Variants in TM9SF3 observed in about 807,000 individuals in gnomAD.
The protein encoded by TM9SF3 is SM-11044-binding protein.
TM9SF3 carries 14 observed loss-of-function variants against 78.6 expected under a neutral mutation model. The ratio of observed to expected loss-of-function variants is 0.18; its 90% CI spans 0.12 to 0.28. The LOEUF (loss-of-function observed/expected upper bound fraction) is 0.28, where lower values mean the gene tolerates loss of function less well. Ranked by LOEUF, TM9SF3 falls within the 10% of genes least tolerant of loss-of-function variation. The pLI is 1.00. For missense variants in TM9SF3, 496 were observed against 721.9 expected, an observed-to-expected ratio of 0.69 and a Z score of 3.59; for synonymous variants, 231 against 241.7, an observed-to-expected ratio of 0.96 and a Z score of 0.41.
Position 96,554,095 on chromosome 10 carries a change from T to C in TM9SF3, c.661-1036A>G, listed in dbSNP as rs546672117. ...TCCACCTTTCACCAGCCATCAGCAA[T>C]CTCCAAAGGTCCTTATCTACAATGA... On this transcript the variant is annotated intron_variant, in intron 5 of 14. Transcript: ENST00000371142. 1.8e-4 allele frequency among the ~76,000 whole-genome samples: 27 copies of C among 152,218 alleles called. 1 individual carries two copies. The highest frequency in any genetic ancestry group is 1.3e-3 in the Admixed American group (20 of 15,262).
rs1341066473 is a variant in TM9SF3, at chr10:96,571,058, C to T, written c.298+5576G>A. Among the ~76,000 whole-genome samples the T allele has an allele frequency of 2.6e-5, 4 of 152,152 alleles. No individual in the cohort carries two copies. The East Asian group carries it at 7.7e-4, about 29-fold the overall frequency. On this transcript the variant is annotated intron_variant, in intron 2 of 14. Transcript: ENST00000371142. ...CCCGGCCATGGGAAAAAGATTTTAA[C>T]AAATTTTTAGGAAATGGAAAACGGT...
intron 9 of TM9SF3, among the ~76,000 whole-genome samples, chr10:96,540,519 T>C (rs1047794155): frequency 6.6e-6 from 1 of 152,202 alleles, no homozygotes; most frequent in Admixed American, 6.5e-5. Context: ...TAGGCTTCAC[T>C]TCCCTCTTAC....
At position 96,552,912 on chromosome 10, in the gene TM9SF3, G is replaced by A. The variant is rs758825681; in HGVS notation, c.792+16C>T. ...GTTAAAATGTTTCTACAAATATAAT[G>A]TAAATGTTTACTCACCATATCATCC... On this transcript the variant is annotated intron_variant, in intron 6 of 14. Transcript: ENST00000371142. 1 of 1,510,222 alleles carries A rather than the reference G, an allele frequency of 6.6e-7. No individual in the cohort carries two copies. The highest frequency in any genetic ancestry group is 2.5e-5 in the East Asian group (1 of 40,400). 93.6% of individuals were successfully genotyped at this position (1,510,222 alleles called of 1,614,324 possible). A position where few individuals can be genotyped will look rare whatever the true frequency, so the allele number is the denominator to read the frequency against.
At position 96,533,193 on chromosome 10, in the gene TM9SF3, G is replaced by A; in HGVS notation, c.1186-3C>T. ...AAACAGATGCAACAAACGGCCACCTGTAAATTAAATAAAAATGTGTGATTA... is the reference window on the plus strand; with the variant it reads ...AAACAGATGCAACAAACGGCCACCTATAAATTAAATAAAAATGTGTGATTA... On this transcript the variant is annotated splice_region_variant and splice_polypyrimidine_tract_variant and intron_variant, in intron 9 of 14. Transcript: ENST00000371142. 1.9e-6 allele frequency: 3 copies of A among 1,612,026 alleles called. No individual in the cohort carries two copies. Among genetic ancestry groups the A allele is most frequent in the Non-Finnish European group, 2.5e-6 (3 of 1,178,906 alleles).
chr10:96,540,124 A>G (rs1240412832), intron 9 of TM9SF3, among the ~76,000 whole-genome samples: 1 of 152,140 alleles, frequency 6.6e-6, no homozygotes, highest in Non-Finnish European at 1.5e-5. Context: ...TCATATTACT[A>G]GTTCATTATT....
At position 96,565,391 on chromosome 10, in the gene TM9SF3, A is replaced by G. The variant is rs763020840; in HGVS notation, c.334T>C (p.Leu112=). Residue 112 remains leucine (L), a synonymous_variant, in exon 3 of 15, where the codon TTA becomes CTA. Transcript: ENST00000371142. ...VMPATYCEID[L]DKEKRDAFVY... Reference sequence around the variant, plus strand: ...AATGCATCTCTCTTTTCTTTATCTAAATCAATTTCACAGTAAGTGGCTGGC... The same window carrying G: ...AATGCATCTCTCTTTTCTTTATCTAGATCAATTTCACAGTAAGTGGCTGGC... The G allele has an allele frequency of 3.2e-6, 5 of 1,556,278 alleles. No individual in the cohort carries two copies. The African/African-American group carries it at 5.7e-5, about 18-fold the overall frequency.
At chr10:96,585,560 G>T (rs923478160) in intron 1 of TM9SF3, among the ~76,000 whole-genome samples, 1 of 152,228 alleles carries the variant, frequency 6.6e-6, no homozygotes, top group African/African-American at 2.4e-5. Flanking sequence ...GGCTGTGACC[G>T]AAGGTAGAAC....
intron 1 of TM9SF3, among the ~76,000 whole-genome samples, chr10:96,586,348 G>A (rs1848629392): frequency 6.6e-6 from 1 of 152,268 alleles, no homozygotes; most frequent in South Asian, 2.1e-4. Context: ...GTAGCCAGAA[G>A]GCAGTCTCCT....
At chr10:96,562,207 G>C in intron 3 of TM9SF3, 69 bp from the exon 4 acceptor site, 1 of 1,133,792 alleles carries the variant, frequency 8.8e-7, no homozygotes, top group Non-Finnish European at 1.2e-6. Flanking sequence ...CAAGCTAAAT[G>C]CTCATTAAGT....
In TM9SF3 at chr10:96,520,899, T is replaced by G. The variant is rs1442653727; in HGVS notation, c.*1364A>C. The G allele has an allele frequency of 2.5e-6, 1 of 397,194 alleles. No individual in the cohort carries two copies. Among genetic ancestry groups the G allele is most frequent in the Non-Finnish European group, 4.4e-6 (1 of 224,796 alleles). The allele number at this position is 397,194 out of a possible 1,614,324, so 24.6% of individuals were successfully genotyped here. ...TATGAGAGTAGCATAGTTTATAGCATACTTTTAAAAATGGCATTCGGTAAT... is the reference window on the plus strand; with the variant it reads ...TATGAGAGTAGCATAGTTTATAGCAGACTTTTAAAAATGGCATTCGGTAAT... On this transcript the variant is annotated 3_prime_UTR_variant, in exon 15 of 15. Coordinates refer to ENST00000371142, the MANE Select transcript of TM9SF3 (RefSeq NM_020123.4).
intron 3 of TM9SF3, among the ~76,000 whole-genome samples, chr10:96,564,128 CA>C (rs11379304): frequency 1.7e-3 from 222 of 129,194 alleles, no homozygotes; most frequent in South Asian, 3.5e-3. Context: ...ACAAACACAC[CA>C]AAAAAAAAAA....
At chr10:96,542,917 A>G (rs187399487) in intron 9 of TM9SF3, among the ~76,000 whole-genome samples, 2 of 152,356 alleles carry the variant, frequency 1.3e-5, no homozygotes, top group East Asian at 3.9e-4. Context: ...GTCACCTGGA[A>G]TTTTTGGGAA....
chr10:96,554,868 G>C (rs1324255), intron 5 of TM9SF3, among the ~76,000 whole-genome samples: 31,103 of 152,006 alleles, frequency 0.2, 3,549 homozygotes, highest in Admixed American at 0.3. Flanking sequence ...ATGTGGCTTT[G>C]AAATTTTACA....
intron 5 of TM9SF3, among the ~76,000 whole-genome samples, chr10:96,556,254 T>G (rs1246478147): frequency 6.6e-6 from 1 of 151,984 alleles, no homozygotes; most frequent in African/African-American, 2.4e-5. Flanking sequence ...AAATTTAGAA[T>G]GCAACTGGAG....
chr10:96,520,736 TC>T lies in TM9SF3; in HGVS notation c.*1526del. The T allele has an allele frequency of 5.1e-6, 2 of 392,908 alleles. No homozygotes were observed. 24.3% of individuals were successfully genotyped at this position (392,908 alleles called of 1,614,324 possible). ...CAGTACGTTAACCACTTTTACCCCATCCCCACTTTACACGGTACACCAACCT... is the reference window on the plus strand; with the variant it reads ...CAGTACGTTAACCACTTTTACCCCATCCCACTTTACACGGTACACCAACCT... On this transcript the variant is annotated 3_prime_UTR_variant, in exon 15 of 15. Transcript: ENST00000371142.
intron 11 of TM9SF3, among the ~76,000 whole-genome samples, chr10:96,528,727 T>C (rs1459418209): frequency 6.6e-6 from 1 of 152,144 alleles, no homozygotes. Context: ...AAGTCATCAC[T>C]AAATTACAAC....
intron 4 of TM9SF3, among the ~76,000 whole-genome samples, chr10:96,561,314 T>G (rs1220989607): frequency 6.6e-6 from 1 of 152,204 alleles, no homozygotes; most frequent in African/African-American, 2.4e-5. Flanking sequence ...ACTATAAAAT[T>G]TTTTCATTAA....
intron 9 of TM9SF3, 34 bp from the exon 10 acceptor site, chr10:96,533,224 A>C: frequency 6.2e-7 from 1 of 1,600,370 alleles, no homozygotes; most frequent in Non-Finnish European, 8.5e-7. Context: ...GATTACTCAG[A>C]GAACAATAAC....
At chr10:96,543,737 AC>A (rs1848063537) in intron 9 of TM9SF3, 1 of 158,876 alleles carries the variant, frequency 6.3e-6, no homozygotes, top group Non-Finnish European at 1.4e-5. Context: ...ATCTTAAAAC[AC>A]CCATGTTTTG....
Sources: allele counts gnomAD v4.1 joint callset (sites outside exome capture counted in the v4.1 genomes callset), GRCh38; gene constraint gnomAD v4.1.1; transcripts MANE v1.5; gene names NCBI Gene and HGNC (gene_info 2026-07-23, HGNC 2026-07-21).